FGF14: variants seen among roughly 807,000 people sequenced by gnomAD.
The protein encoded by FGF14 is fibroblast growth factor 14.
FGF14 carries 5 observed loss-of-function variants against 25.5 expected under a neutral mutation model. That is an observed-to-expected ratio of 0.20 (90% CI 0.10 to 0.41). The LOEUF (loss-of-function observed/expected upper bound fraction) is 0.41, where lower values mean the gene tolerates loss of function less well. FGF14 is among the 10% of genes least tolerant of loss of function. FGF14 has a pLI of 1.00. For missense variants in FGF14, 222 were observed against 320.1 expected (o/e 0.69, Z 2.34); for synonymous variants, 138 against 118.3 (o/e 1.17, Z -1.08).
At chr13:102,142,341 G>T (rs141010975) in intron 1 of FGF14, among the ~76,000 whole-genome samples, 4,371 of 152,000 alleles carry the variant, frequency 0.029, 93 homozygotes, top group Non-Finnish European at 0.042. Flanking sequence ...ACAATACTGT[G>T]CTTGAGTCAT....
intron 1 of FGF14, among the ~76,000 whole-genome samples, chr13:102,303,322 T>C (rs73581258): frequency 0.024 from 3,597 of 152,308 alleles, 144 homozygotes; most frequent in African/African-American, 0.081. Flanking sequence ...CTGTTTTATT[T>C]TCTTTATAGA....
At chr13:101,860,181 T>A (rs2044341200) in intron 3 of FGF14, among the ~76,000 whole-genome samples, 1 of 152,100 alleles carries the variant, frequency 6.6e-6, no homozygotes, top group Non-Finnish European at 1.5e-5. Context: ...AAATTTAATG[T>A]CTTGCTTTCT....
chr13:102,396,849 A>G (rs747935753), intron 1 of FGF14, among the ~76,000 whole-genome samples: 1 of 152,230 alleles, frequency 6.6e-6, no homozygotes, highest in Non-Finnish European at 1.5e-5. Context: ...CTAAAATGCC[A>G]TCCTTTGGTT....
chr13:101,734,989 T>G lies in FGF14; in HGVS notation c.409-8179A>C, dbSNP rs559742550. On this transcript the variant is annotated intron_variant, in intron 3 of 4. Transcript: ENST00000376143. ...GACCTTTGCCATGTAATTTGCAGCA[T>G]TCTCTTACTTTGAACAAAGATAAAG... 1.1e-4 allele frequency among the ~76,000 whole-genome samples: 17 copies of G among 152,358 alleles called. No individual in the cohort carries two copies. The South Asian group carries it at 3.1e-3, about 28-fold the overall frequency.
At chr13:101,866,449 G>A (rs1222086044) in intron 3 of FGF14, among the ~76,000 whole-genome samples, 1 of 152,050 alleles carries the variant, frequency 6.6e-6, no homozygotes, top group Non-Finnish European at 1.5e-5. Context: ...TAAACTCTCT[G>A]TATATCAGTG....
At chr13:101,762,822 G>A (rs551870526) in intron 3 of FGF14, among the ~76,000 whole-genome samples, 30 of 152,152 alleles carry the variant, frequency 2.0e-4, no homozygotes, top group African/African-American at 7.0e-4. Flanking sequence ...TTCCAAATCC[G>A]TATCATGTCA....
upstream of FGF14, among the ~76,000 whole-genome samples, chr13:101,917,624 C>A (rs2033669278): frequency 6.6e-6 from 1 of 151,956 alleles, no homozygotes; most frequent in East Asian, 2.0e-4. Context: ...CACCAACGCC[C>A]CCCCGTCGCC....
At chr13:101,913,472 A>C (rs2033160169) in intron 1 of FGF14, among the ~76,000 whole-genome samples, 1 of 147,686 alleles carries the variant, frequency 6.8e-6, no homozygotes, top group Admixed American at 6.8e-5. Context: ...TAATCTTTAC[A>C]TTAAATAAAT....
chr13:102,332,133 T>C (rs918112110), intron 1 of FGF14, among the ~76,000 whole-genome samples: 4 of 152,138 alleles, frequency 2.6e-5, no homozygotes, highest in African/African-American at 9.7e-5. Flanking sequence ...GTTAAGAGCA[T>C]GTTAAGTGAC....
At chr13:101,744,339 T>C (rs1411929195) in intron 3 of FGF14, among the ~76,000 whole-genome samples, 1 of 152,112 alleles carries the variant, frequency 6.6e-6, no homozygotes, top group Non-Finnish European at 1.5e-5. Context: ...GTCATACAAC[T>C]CTCGGGGACA....
chr13:102,288,262 A>G (rs2054204565), intron 1 of FGF14, among the ~76,000 whole-genome samples: 1 of 152,192 alleles, frequency 6.6e-6, no homozygotes, highest in South Asian at 2.1e-4. Flanking sequence ...CTAACAAATA[A>G]TGTGAGCCTT....
chr13:101,725,069 A>C (rs1370876315), intron 4 of FGF14, among the ~76,000 whole-genome samples: 3 of 152,018 alleles, frequency 2.0e-5, no homozygotes. Flanking sequence ...TTATGCAGCT[A>C]AAGGGTAAGG....
At chr13:101,976,432 G>A (rs2139579182) in intron 1 of FGF14, among the ~76,000 whole-genome samples, 1 of 152,246 alleles carries the variant, frequency 6.6e-6, no homozygotes, top group Admixed American at 6.5e-5. Context: ...CAAATGGGCT[G>A]TGTGCTCCTA....
chr13:101,951,439 A>G (rs2036162111), intron 1 of FGF14, among the ~76,000 whole-genome samples: 1 of 152,080 alleles, frequency 6.6e-6, no homozygotes, highest in South Asian at 2.1e-4. Flanking sequence ...TAATCTGTAA[A>G]TTGGACAATT....
At chr13:102,336,924 G>A (rs1566945624) in intron 1 of FGF14, among the ~76,000 whole-genome samples, 1 of 152,154 alleles carries the variant, frequency 6.6e-6, no homozygotes, top group Admixed American at 6.6e-5. Context: ...CTACTGTTCA[G>A]AACAAAAGCT....
intron 1 of FGF14, among the ~76,000 whole-genome samples, chr13:102,275,241 T>TCTCTCTCC (rs2053462868): frequency 6.3e-5 from 6 of 94,644 alleles, no homozygotes; most frequent in Non-Finnish European, 1.2e-4. Context: ...GATTTCTCTC[T>TCTCTCTCC]CTCTCTCTCT....
intron 1 of FGF14, among the ~76,000 whole-genome samples, chr13:101,906,057 C>T (rs1051762118): frequency 2.6e-5 from 4 of 152,124 alleles, no homozygotes; most frequent in African/African-American, 9.7e-5. Flanking sequence ...TCCTTTAATT[C>T]ATCAGGTATG....
At chr13:101,985,360 A>G (rs1435861314) in intron 1 of FGF14, among the ~76,000 whole-genome samples, 1 of 152,084 alleles carries the variant, frequency 6.6e-6, no homozygotes, top group Non-Finnish European at 1.5e-5. Flanking sequence ...CATTATTTAT[A>G]CAGAACTCAT....
At chr13:101,873,754 T>A (rs760484826) in intron 2 of FGF14, among the ~76,000 whole-genome samples, 1 of 152,126 alleles carries the variant, frequency 6.6e-6, no homozygotes, top group Non-Finnish European at 1.5e-5. Flanking sequence ...TCTTTGAAAG[T>A]TCAAACTAAT....
Sources: allele counts gnomAD v4.1 joint callset (sites outside exome capture counted in the v4.1 genomes callset), GRCh38; gene constraint gnomAD v4.1.1; transcripts MANE v1.5; gene names NCBI Gene and HGNC (gene_info 2026-07-23, HGNC 2026-07-21).